Variants in CAST observed in about 807,000 individuals in gnomAD.
CAST encodes the protein calpastatin, also known as MIR583 host.
A neutral mutation model predicts 119.6 loss-of-function variants in CAST; 76 were observed. The observed-to-expected ratio is 0.64, with a 90% CI of 0.53 to 0.77. The LOEUF (loss-of-function observed/expected upper bound fraction) is 0.77. Among genes scored for constraint, CAST ranks in the 30% least tolerant of loss-of-function variants. CAST has a pLI of 0.00. For missense variants in CAST, 953 were observed against 946.5 expected (o/e 1.01, Z -0.09); for synonymous variants, 319 against 331.6 (o/e 0.96, Z 0.41).
At chr5:96,529,469 C>T (rs1745653190), upstream of CAST, among the ~76,000 whole-genome samples, 1 of 151,560 alleles carries the variant, frequency 6.6e-6, no homozygotes, top group South Asian at 2.1e-4. Context: ...CGTGTTTAGG[C>T]TTCCAGTTTA....
At chr5:96,368,123 T>C in the CAST span, among the ~76,000 whole-genome samples, 5 of 152,190 alleles carry the variant, frequency 3.3e-5, no homozygotes, top group African/African-American at 4.8e-5. Flanking sequence ...TTCTTTTTTT[T>C]CCCCTTTCCT....
At chr5:96,004,151 A>G in the CAST span, among the ~76,000 whole-genome samples, 1 of 152,250 alleles carries the variant, frequency 6.6e-6, no homozygotes, top group South Asian at 2.1e-4. Flanking sequence ...GCTATGTTTT[A>G]GAACTTTATG....
At chr5:96,597,972 G>A (rs1003085949) in intron 1 of CAST, among the ~76,000 whole-genome samples, 6 of 151,920 alleles carry the variant, frequency 3.9e-5, no homozygotes, top group Admixed American at 1.3e-4. Flanking sequence ...GTACTAGGGG[G>A]CTGGCAGTAG....
the CAST span, among the ~76,000 whole-genome samples, chr5:96,237,154 G>T: frequency 2.0e-5 from 3 of 152,164 alleles, no homozygotes; most frequent in African/African-American, 7.2e-5. Flanking sequence ...AACCAAAATG[G>T]ATTCAGGTCT....
intron 1 of CAST, among the ~76,000 whole-genome samples, chr5:96,553,108 A>C (rs1746168220): frequency 2.0e-5 from 3 of 152,174 alleles, no homozygotes; most frequent in Non-Finnish European, 4.4e-5. Flanking sequence ...ACACAACAAA[A>C]AAAAGAGAAT....
chr5:96,636,394 A>C (rs879601499), intron 1 of CAST, among the ~76,000 whole-genome samples: 3 of 152,198 alleles, frequency 2.0e-5, no homozygotes, highest in African/African-American at 4.8e-5. Flanking sequence ...AAATGATTCC[A>C]ATTTTAGGGT....
chr5:96,514,977 C>T, the CAST span, among the ~76,000 whole-genome samples: 2 of 152,146 alleles, frequency 1.3e-5, no homozygotes, highest in African/African-American at 4.8e-5. Context: ...TCTCAAACTT[C>T]TGGTCTCAGG....
chr5:96,508,747 A>G, the CAST span, among the ~76,000 whole-genome samples: 1 of 152,184 alleles, frequency 6.6e-6, no homozygotes, highest in Non-Finnish European at 1.5e-5. Flanking sequence ...ATCCCTCCTG[A>G]GAATAATGCC....
intron 1 of CAST, among the ~76,000 whole-genome samples, chr5:96,568,372 C>T (rs537754959): frequency 3.2e-4 from 49 of 152,100 alleles, no homozygotes; most frequent in Admixed American, 7.2e-4. Context: ...AGAGACCAGC[C>T]TGGCCAACAT....
intron 1 of CAST, among the ~76,000 whole-genome samples, chr5:96,607,784 A>G (rs562651831): frequency 1.3e-5 from 2 of 152,328 alleles, no homozygotes; most frequent in Non-Finnish European, 2.9e-5. Context: ...GTCTGGTACC[A>G]GCCCAGAATA....
the CAST span, among the ~76,000 whole-genome samples, chr5:96,112,475 G>A: frequency 1.1e-3 from 170 of 152,296 alleles, no homozygotes; most frequent in Non-Finnish European, 1.2e-3. Context: ...TGTGAGAGCA[G>A]GGACTGTATT....
chr5:96,695,287 A>G (rs1753148998), intron 2 of CAST, among the ~76,000 whole-genome samples: 1 of 152,228 alleles, frequency 6.6e-6, no homozygotes, highest in Non-Finnish European at 1.5e-5. Context: ...ATTTTATCCT[A>G]TTACTATCTA....
At chr5:96,724,416 C>T (rs1234772358) in intron 4 of CAST, among the ~76,000 whole-genome samples, 1 of 151,976 alleles carries the variant, frequency 6.6e-6, no homozygotes, top group Non-Finnish European at 1.5e-5. Flanking sequence ...CTCCTGGGCT[C>T]AAGCAGTCCT....
At chr5:96,317,309 CAAAAA>C in the CAST span, among the ~76,000 whole-genome samples, 2 of 103,998 alleles carry the variant, frequency 1.9e-5, no homozygotes, top group South Asian at 3.3e-4. Flanking sequence ...ACCAAAAATA[CAAAAA>C]AAAAAAAAAA....
At chr5:96,744,083 A>G (rs1401163373) in intron 16 of CAST, among the ~76,000 whole-genome samples, 3 of 152,214 alleles carry the variant, frequency 2.0e-5, no homozygotes, top group African/African-American at 7.2e-5. Flanking sequence ...AGTGACATAA[A>G]ATAAGTTATT....
At chr5:96,644,399 T>TAAAGATAA (rs1338107895) in intron 1 of CAST, among the ~76,000 whole-genome samples, 1 of 152,262 alleles carries the variant, frequency 6.6e-6, no homozygotes, top group African/African-American at 2.4e-5. Flanking sequence ...CAGCAACTGC[T>TAAAGATAA]AGAAAATTAT....
At chr5:95,999,066 G>T in the CAST span, among the ~76,000 whole-genome samples, 1 of 151,842 alleles carries the variant, frequency 6.6e-6, no homozygotes, top group Non-Finnish European at 1.5e-5. Context: ...TTTTTTTAGT[G>T]ACTTTACTGA....
chr5:96,252,789 G>T, the CAST span, among the ~76,000 whole-genome samples: 1 of 152,106 alleles, frequency 6.6e-6, no homozygotes, highest in African/African-American at 2.4e-5. Flanking sequence ...AGTTCATCCC[G>T]GTTGATTCAT....
At chr5:96,457,909 TAACTC>T in the CAST span, among the ~76,000 whole-genome samples, 5 of 152,336 alleles carry the variant, frequency 3.3e-5, no homozygotes, top group South Asian at 1.0e-3. Context: ...TTTTAAAACT[TAACTC>T]ATTTCATTCT....
Sources: gnomAD v4.1 joint callset for allele counts (sites outside exome capture counted in the v4.1 genomes callset) on GRCh38, gnomAD v4.1.1 for gene constraint, MANE v1.5 for transcripts, NCBI Gene and HGNC (gene_info 2026-07-23, HGNC 2026-07-21) for gene names.